Variants in SPRING1 observed in about 807,000 individuals in gnomAD.
The protein encoded by SPRING1 is SREBP regulating gene protein.
A neutral mutation model predicts 24.7 loss-of-function variants in SPRING1; 14 were observed. The ratio of observed to expected loss-of-function variants is 0.57; its 90% CI spans 0.37 to 0.88. The LOEUF (loss-of-function observed/expected upper bound fraction) is 0.88. Among genes scored for constraint, SPRING1 ranks in the 40% least tolerant of loss-of-function variants. SPRING1 has a pLI of 0.00. For synonymous variants in SPRING1, 93 were observed against 106.1 expected (o/e 0.88, Z 0.76); for missense variants, 255 against 268.4 (o/e 0.95, Z 0.35).
intron 2 of SPRING1, 114 bp downstream of exon 2, chr12:116,722,953 G>A (rs575049628): frequency 2.3e-6 from 3 of 1,327,626 alleles, no homozygotes; most frequent in African/African-American, 1.5e-5. Flanking sequence ...TGTTGGAGAT[G>A]AGCGAGGAGA....
intron 1 of SPRING1, 152 bp from the exon 2 acceptor site, chr12:116,723,375 G>C: frequency 1.1e-6 from 1 of 908,278 alleles, no homozygotes; most frequent in Non-Finnish European, 1.6e-6. Flanking sequence ...AGCAAAGCCT[G>C]AGCCAAAGTC....
At chr12:116,724,996 C>T (rs1283018916) in intron 1 of SPRING1, among the ~76,000 whole-genome samples, 1 of 152,050 alleles carries the variant, frequency 6.6e-6, no homozygotes, top group African/African-American at 2.4e-5. Flanking sequence ...AGGGAAAAAG[C>T]AAGTTGCAGA....
At chr12:116,725,848 T>G (rs1242823922) in intron 1 of SPRING1, among the ~76,000 whole-genome samples, 7 of 151,310 alleles carry the variant, frequency 4.6e-5, no homozygotes, top group Admixed American at 4.6e-4. Context: ...ATTGCGCCAC[T>G]GCACTCCAGC....
intron 1 of SPRING1, among the ~76,000 whole-genome samples, chr12:116,730,337 G>A (rs2137042794): frequency 6.6e-6 from 1 of 152,186 alleles, no homozygotes; most frequent in Middle Eastern, 3.4e-3. Flanking sequence ...CCGAGTAGCT[G>A]GGATTACAGG....
intron 1 of SPRING1, among the ~76,000 whole-genome samples, chr12:116,725,889 A>C (rs1425675015): frequency 1.3e-5 from 2 of 152,164 alleles, no homozygotes; most frequent in Non-Finnish European, 2.9e-5. Flanking sequence ...CCGTCTCAAA[A>C]AAAAAAAAAG....
intron 4 of SPRING1, among the ~76,000 whole-genome samples, chr12:116,718,491 A>T (rs1870264319): frequency 6.6e-6 from 1 of 152,260 alleles, no homozygotes; most frequent in South Asian, 2.1e-4. Flanking sequence ...TGGCTAGTCT[A>T]GAATTCATTA....
intron 2 of SPRING1, among the ~76,000 whole-genome samples, chr12:116,721,810 G>C (rs1315252251): frequency 2.0e-5 from 3 of 152,180 alleles, no homozygotes; most frequent in African/African-American, 7.2e-5. Flanking sequence ...TCTGCCAGTT[G>C]AAATTCTCTT....
intron 1 of SPRING1, among the ~76,000 whole-genome samples, chr12:116,729,899 AT>A (rs1364751879): frequency 1.3e-5 from 2 of 151,966 alleles, no homozygotes; most frequent in African/African-American, 4.8e-5. Flanking sequence ...ATTTTTATTT[AT>A]TTATTTATTT....
rs1869992319 is a variant in SPRING1 at position 116,714,031 on chromosome 12, TGCCC to T, written c.*3775_*3778del. 6.6e-6 allele frequency: 1 copy of T among 150,446 alleles called. No individual in the cohort carries two copies. The highest frequency in any genetic ancestry group is 1.5e-5 in the Non-Finnish European group (1 of 67,644). The allele number at this position is 150,446 out of a possible 1,614,324, so 9.3% of individuals were successfully genotyped here. A position where few individuals can be genotyped will look rare whatever the true frequency, so the allele number is the denominator to read the frequency against. ...ACCCCTATCCGAGCCGACCCCTGACTGCCCCTGCCATTGCTCCCTGCTGAGTTGC... is the reference window on the plus strand; with the variant it reads ...ACCCCTATCCGAGCCGACCCCTGACTCTGCCATTGCTCCCTGCTGAGTTGC... On this transcript the variant is annotated 3_prime_UTR_variant, in exon 5 of 5. Coordinates refer to ENST00000261318, the MANE Select transcript of SPRING1 (RefSeq NM_024738.4).
At chr12:116,718,009 C>CGA in intron 4 of SPRING1, 116 bp from the exon 5 acceptor site, 1 of 797,888 alleles carries the variant, frequency 1.3e-6, no homozygotes, top group Non-Finnish European at 1.8e-6. Flanking sequence ...GGGGGCTGGC[C>CGA]GAGTCCATCT....
Position 116,737,986 on chromosome 12 carries a change from AG to A in SPRING1, c.-87del. ...GCGGCATGGCCCCTACGCGCCCGGC[AG>A]CCCCATCCCTCCAGGCAGGCGCCGG... On this transcript the variant is annotated 5_prime_UTR_variant, in exon 1 of 5. An upstream open reading frame in the 5' UTR loses its in-frame stop. Coordinates refer to ENST00000261318, the MANE Select transcript of SPRING1 (RefSeq NM_024738.4). 1 of 1,192,746 alleles carries A rather than the reference AG, an allele frequency of 8.4e-7. No individual in the cohort carries two copies. Among genetic ancestry groups the A allele is most frequent in the Non-Finnish European group, 1.0e-6 (1 of 957,740 alleles). The allele number at this position is 1,192,746 out of a possible 1,614,324, so 73.9% of individuals were successfully genotyped here.
chr12:116,733,887 T>C (rs1224123752), intron 1 of SPRING1, among the ~76,000 whole-genome samples: 2 of 152,138 alleles, frequency 1.3e-5, no homozygotes, highest in African/African-American at 2.4e-5. Context: ...TTTACTCTTA[T>C]ATTTTTTGAA....
rs1870213288 is a variant in SPRING1 at position 116,717,730 on chromosome 12, G to A, written c.*80C>T. 1.6e-5 allele frequency: 20 copies of A among 1,270,454 alleles called. No homozygotes were observed. Among genetic ancestry groups the A allele is most frequent in the Admixed American group, 8.6e-5 (4 of 46,422 alleles). The allele number at this position is 1,270,454 out of a possible 1,614,324, so 78.7% of individuals were successfully genotyped here. On this transcript the variant is annotated 3_prime_UTR_variant, in exon 5 of 5. Transcript: ENST00000261318. This position sits in a 1 kb window ranked among gnomAD's most constrained non-coding sequence, Gnocchi z 4.2. ...TTGTCTTCTTCCTGCAGCCTGGCCC[G>A]ATGGCTGAAGCTGGGTCCCAGGAGG...
Position 116,717,813 on chromosome 12 carries a change from A to G in SPRING1, c.615T>C (p.Ala205=), listed in dbSNP as rs1194371690. 4 of 1,594,128 alleles carry G rather than the reference A, an allele frequency of 2.5e-6. No individual in the cohort carries two copies. Among genetic ancestry groups the G allele is most frequent in the Non-Finnish European group, 3.4e-6 (4 of 1,171,836 alleles). ...TGGAGCAAGTCCGCTGCACCCGTCAAGCGGGGAAGAGCTCGGGCGGGCTTT... is the reference window on the plus strand; with the variant it reads ...TGGAGCAAGTCCGCTGCACCCGTCAGGCGGGGAAGAGCTCGGGCGGGCTTT... ...YGESPPELFP[A] The change falls in exon 5 of 5, where the codon GCT becomes GCC. Residue 205 remains alanine, a synonymous_variant. Coordinates refer to ENST00000261318, the MANE Select transcript of SPRING1 (RefSeq NM_024738.4). The surrounding 1 kb of genome is among the most constrained non-coding windows in gnomAD (Gnocchi z 4.2).
At chr12:116,722,368 A>C (rs1870476315) in intron 2 of SPRING1, among the ~76,000 whole-genome samples, 1 of 152,218 alleles carries the variant, frequency 6.6e-6, no homozygotes, top group Non-Finnish European at 1.5e-5. Context: ...CTCACAACCC[A>C]GCACTAAAAC....
rs982577323 is a variant in SPRING1 at position 116,710,798 on chromosome 12, G to A, written c.*7012C>T. 4 of 152,158 alleles carry A rather than the reference G, an allele frequency of 2.6e-5. No individual in the cohort carries two copies. Among genetic ancestry groups the A allele is most frequent in the South Asian group, 2.1e-4 (1 of 4,828 alleles). The allele number at this position is 152,158 out of a possible 1,614,324, so 9.4% of individuals were successfully genotyped here. A position where few individuals can be genotyped will look rare whatever the true frequency, so the allele number is the denominator to read the frequency against. On this transcript the variant is annotated 3_prime_UTR_variant, in exon 5 of 5. Transcript: ENST00000261318. ...GCCTGGGACCCAGCCGCTGGGATAC[G>A]AGGGCTCTGGTCTTGCTTTAACAGC...
Position 116,713,433 on chromosome 12 carries a change from G to C in SPRING1, c.*4377C>G, listed in dbSNP as rs199513645. 6 of 152,312 alleles carry C rather than the reference G, an allele frequency of 3.9e-5. No individual in the cohort carries two copies. In the East Asian group the frequency reaches 1.2e-3, roughly 29 times the overall value. The allele number at this position is 152,312 out of a possible 1,614,324, so 9.4% of individuals were successfully genotyped here. A position where few individuals can be genotyped will look rare whatever the true frequency, so the allele number is the denominator to read the frequency against. ...ATGATAAATGGCCAATCAAAATAAG[G>C]AATGGGGCTCATTCTGCTGGAAATT... On this transcript the variant is annotated 3_prime_UTR_variant, in exon 5 of 5. Transcript: ENST00000261318.
chr12:116,711,447 A>G lies in SPRING1; in HGVS notation c.*6363T>C, dbSNP rs1355442513. ...CTACTCGGGAGGCTGAGGCAGGAGA[A>G]TGGCGTGAACCCAGGAGGCAGAGCT... is the stretch of plus-strand genomic sequence containing the variant. On this transcript the variant is annotated 3_prime_UTR_variant, in exon 5 of 5. Transcript: ENST00000261318. 1 of 152,084 alleles carries G rather than the reference A, an allele frequency of 6.6e-6. No homozygotes were observed. Among genetic ancestry groups the G allele is most frequent in the Non-Finnish European group, 1.5e-5 (1 of 68,086 alleles). The allele number at this position is 152,084 out of a possible 1,614,324, so 9.4% of individuals were successfully genotyped here. A position where few individuals can be genotyped will look rare whatever the true frequency, so the allele number is the denominator to read the frequency against.
At chr12:116,718,404 G>A (rs1488437556) in intron 4 of SPRING1, among the ~76,000 whole-genome samples, 1 of 152,248 alleles carries the variant, frequency 6.6e-6, no homozygotes, top group African/African-American at 2.4e-5. Flanking sequence ...CAAATTGGAA[G>A]TGTGATTTAA....
Sources: allele counts gnomAD v4.1 joint callset (sites outside exome capture counted in the v4.1 genomes callset), GRCh38; gene constraint gnomAD v4.1.1; non-coding constraint Gnocchi (gnomAD v3.1); transcripts MANE v1.5; gene names NCBI Gene and HGNC (gene_info 2026-07-23, HGNC 2026-07-21).